Variants in NALF1 observed in about 807,000 individuals in gnomAD.
The protein encoded by NALF1 is NALCN channel auxiliary factor 1.
NALF1 carries 3 observed loss-of-function variants against 48.4 expected under a neutral mutation model. That is an observed-to-expected ratio of 0.06 (90% CI 0.03 to 0.16). The LOEUF (loss-of-function observed/expected upper bound fraction) is 0.16, where lower values mean the gene tolerates loss of function less well. Among genes scored for constraint, NALF1 ranks in the 10% least tolerant of loss-of-function variants. The pLI, the probability that NALF1 is intolerant of heterozygous loss-of-function variation, is 1.00. For synonymous variants in NALF1, 262 were observed against 245.7 expected (o/e 1.07, Z -0.62); for missense variants, 526 against 571.5 (o/e 0.92, Z 0.81).
intron 1 of NALF1, among the ~76,000 whole-genome samples, chr13:107,505,596 C>A (rs1875671810): frequency 6.6e-6 from 1 of 152,232 alleles, no homozygotes; most frequent in Admixed American, 6.5e-5. Flanking sequence ...CGTGGCCTGA[C>A]AACCGGGAAT....
intron 1 of NALF1, among the ~76,000 whole-genome samples, chr13:107,717,255 T>C (rs1875849644): frequency 6.6e-6 from 1 of 152,234 alleles, no homozygotes. Context: ...GCAGTCTGTC[T>C]AGCATCAATC....
chr13:107,236,711 A>G (rs1189547541), intron 1 of NALF1, among the ~76,000 whole-genome samples: 2 of 149,646 alleles, frequency 1.3e-5, no homozygotes, highest in African/African-American at 5.1e-5. Context: ...CTATCTATCT[A>G]TCTATCTATC....
rs112892726 is a variant in NALF1, at chr13:107,640,524, T to C, written c.915+225158A>G. On this transcript the variant is annotated intron_variant, in intron 1 of 2. Coordinates refer to ENST00000375915, the MANE Select transcript of NALF1 (RefSeq NM_001080396.3). ...CATTCTCATAACCTTTAATTTCACA[T>C]CAGTTTTACTATATAAGATTTGGGA... 4.4e-3 allele frequency among the ~76,000 whole-genome samples: 673 copies of C among 152,306 alleles called. 5 individuals are homozygous for C. Among genetic ancestry groups the C allele is most frequent in the African/African-American group, 0.015 (604 of 41,586 alleles).
At chr13:107,798,927 A>T (rs1019128963) in intron 1 of NALF1, among the ~76,000 whole-genome samples, 3 of 152,194 alleles carry the variant, frequency 2.0e-5, no homozygotes, top group African/African-American at 7.2e-5. Flanking sequence ...GCACCTATAT[A>T]TGTCAGGAAT....
intron 1 of NALF1, among the ~76,000 whole-genome samples, chr13:107,840,570 T>C (rs1330594445): frequency 6.6e-6 from 1 of 152,196 alleles, no homozygotes; most frequent in African/African-American, 2.4e-5. Context: ...CCTAAAGGAT[T>C]ACACCAAATG....
chr13:107,342,655 A>G (rs1882702852), intron 1 of NALF1, among the ~76,000 whole-genome samples: 1 of 152,180 alleles, frequency 6.6e-6, no homozygotes, highest in Admixed American at 6.5e-5. Flanking sequence ...TTTGTGTACA[A>G]TTGAAGTTAA....
intron 1 of NALF1, among the ~76,000 whole-genome samples, chr13:107,845,131 C>A (rs1880137319): frequency 6.6e-6 from 1 of 152,116 alleles, no homozygotes; most frequent in Non-Finnish European, 1.5e-5. Context: ...TCATTTATGG[C>A]AAAGAAAATT....
At chr13:107,402,070 A>G (rs1315755380) in intron 1 of NALF1, among the ~76,000 whole-genome samples, 2 of 151,472 alleles carry the variant, frequency 1.3e-5, no homozygotes, top group Non-Finnish European at 2.9e-5. Context: ...GGGCTAGCCT[A>G]GCAAAGCTGA....
At chr13:107,780,030 C>A (rs1423834652) in intron 1 of NALF1, among the ~76,000 whole-genome samples, 1 of 134,048 alleles carries the variant, frequency 7.5e-6, no homozygotes, top group Non-Finnish European at 1.6e-5. Context: ...CCAAGACATA[C>A]TTTTTTTTTT....
intron 1 of NALF1, among the ~76,000 whole-genome samples, chr13:107,790,821 T>A (rs1445344768): frequency 2.0e-5 from 3 of 151,932 alleles, no homozygotes; most frequent in African/African-American, 7.2e-5. Flanking sequence ...GTCTTTTAGT[T>A]ATATAATATA....
chr13:107,762,599 G>C (rs1877296497), intron 1 of NALF1, among the ~76,000 whole-genome samples: 1 of 152,104 alleles, frequency 6.6e-6, no homozygotes, highest in Admixed American at 6.6e-5. Context: ...AAATGAGTTA[G>C]AGAAAATCAA....
chr13:107,299,300 G>A (rs982887896), intron 1 of NALF1, among the ~76,000 whole-genome samples: 8 of 151,970 alleles, frequency 5.3e-5, no homozygotes, highest in Middle Eastern at 3.4e-3. Flanking sequence ...GCATGGTGGC[G>A]CATGCCTGTA....
chr13:107,541,517 A>T (rs557261041), intron 1 of NALF1, among the ~76,000 whole-genome samples: 1 of 152,258 alleles, frequency 6.6e-6, no homozygotes, highest in South Asian at 2.1e-4. Flanking sequence ...GGATGGAAAG[A>T]CAGAGAGGGC....
At chr13:107,429,385 C>G (rs943945385) in intron 1 of NALF1, among the ~76,000 whole-genome samples, 7 of 151,458 alleles carry the variant, frequency 4.6e-5, no homozygotes, top group Non-Finnish European at 8.8e-5. Flanking sequence ...TGCTGACATG[C>G]CAAATATAAG....
chr13:107,270,838 C>T (rs1277230168), intron 1 of NALF1, among the ~76,000 whole-genome samples: 2 of 148,956 alleles, frequency 1.3e-5, no homozygotes, highest in African/African-American at 5.0e-5. Context: ...CAACAGGCCC[C>T]GGTGTGTGAT....
chr13:107,581,874 G>A lies in NALF1; in HGVS notation c.915+283808C>T, dbSNP rs552143033. On this transcript the variant is annotated intron_variant, in intron 1 of 2. Transcript: ENST00000375915. Reference sequence around the variant, plus strand: ...TTTTTGGTGACTGTTCTCACCTATCGTCTTACACAAATCCATAATAATAAT... The same window carrying A: ...TTTTTGGTGACTGTTCTCACCTATCATCTTACACAAATCCATAATAATAAT... Among the ~76,000 whole-genome samples, 38 of 152,066 alleles carry A rather than the reference G, an allele frequency of 2.5e-4. No homozygotes were observed. The South Asian group carries it at 3.1e-3, about 12-fold the overall frequency.
At chr13:107,833,114 C>T (rs1320291430) in intron 1 of NALF1, among the ~76,000 whole-genome samples, 7 of 152,094 alleles carry the variant, frequency 4.6e-5, no homozygotes, top group Non-Finnish European at 2.9e-5. Context: ...AGAGGGCCCT[C>T]GCTAAGTGAA....
chr13:107,756,454 T>TAA (rs1288570082), intron 1 of NALF1, among the ~76,000 whole-genome samples: 2 of 150,892 alleles, frequency 1.3e-5, no homozygotes, highest in East Asian at 3.9e-4. Flanking sequence ...TATATATATA[T>TAA]AAAGCATAAA....
chr13:107,222,387 T>C (rs1433607866), intron 1 of NALF1, among the ~76,000 whole-genome samples: 8 of 152,230 alleles, frequency 5.3e-5, no homozygotes, highest in Admixed American at 5.2e-4. Context: ...TTAGCATATT[T>C]CCCTTACATA....
Sources: gnomAD v4.1 joint callset for allele counts (sites outside exome capture counted in the v4.1 genomes callset) on GRCh38, gnomAD v4.1.1 for gene constraint, MANE v1.5 for transcripts, NCBI Gene and HGNC (gene_info 2026-07-23, HGNC 2026-07-21) for gene names.